The following IFT81 variants were observed in gnomAD, a reference collection of about 807,000 sequenced individuals.
IFT81 encodes the protein intraflagellar transport 81, also known as intraflagellar transport protein 81 homolog.
A neutral mutation model predicts 102.6 loss-of-function variants in IFT81; 72 were observed. The observed-to-expected ratio is 0.70, with a 90% CI of 0.58 to 0.85. IFT81 has a LOEUF of 0.85. Among genes scored for constraint, IFT81 ranks in the 40% least tolerant of loss-of-function variants. The pLI is 0.00. For missense variants in IFT81, 723 were observed against 787.3 expected, an observed-to-expected ratio of 0.92 and a Z score of 0.98; for synonymous variants, 237 against 242.7, an observed-to-expected ratio of 0.98 and a Z score of 0.22.
Position 110,135,551 on chromosome 12 carries a change from T to C in IFT81, c.696+114T>C, listed in dbSNP as rs117677576. 20,052 of 623,292 alleles carry C rather than the reference T, an allele frequency of 0.032. 448 individuals carry two copies. The highest frequency in any genetic ancestry group is 0.073 in the Middle Eastern group (159 of 2,186). The allele number at this position is 623,292 out of a possible 1,614,324, so 38.6% of individuals were successfully genotyped here. ...GACGTTCACGTTCCTTTTGCTAACA[T>C]AATGGAATACTCTTTTAATTAAGAT... On this transcript the variant is annotated intron_variant, in intron 7 of 18. Transcript: ENST00000242591.
At chr12:110,139,312 G>T (rs904753232) in intron 8 of IFT81, among the ~76,000 whole-genome samples, 2 of 147,788 alleles carry the variant, frequency 1.4e-5, no homozygotes, top group Non-Finnish European at 3.0e-5. Flanking sequence ...ACTCCAGCCT[G>T]GGCAACAGAG....
intron 10 of IFT81, among the ~76,000 whole-genome samples, chr12:110,149,581 T>C (rs560819807): frequency 3.3e-5 from 5 of 152,108 alleles, no homozygotes; most frequent in African/African-American, 1.2e-4. Flanking sequence ...GGAGAATGGG[T>C]GTAAGGTTTT....
At chr12:110,176,450 C>G (rs1897038799) in intron 11 of IFT81, among the ~76,000 whole-genome samples, 1 of 152,162 alleles carries the variant, frequency 6.6e-6, no homozygotes, top group South Asian at 2.1e-4. Context: ...GCAGAGTTTA[C>G]CAGAGGCTTC....
At position 110,143,618 on chromosome 12, in the gene IFT81, T is replaced by C; in HGVS notation, c.945+73T>C. On this transcript the variant is annotated intron_variant, in intron 9 of 18. Transcript: ENST00000242591. ...AGTCCTATAAAATTATGTGAACTGC[T>C]TTCTGTAGTATCCCACTATTGACTC... The C allele has an allele frequency of 7.4e-6, 9 of 1,209,410 alleles. No individual in the cohort carries two copies. In the South Asian group the frequency reaches 1.4e-4, roughly 19 times the overall value. The allele number at this position is 1,209,410 out of a possible 1,614,324, so 74.9% of individuals were successfully genotyped here.
chr12:110,208,041 G>T (rs979619193), intron 17 of IFT81, among the ~76,000 whole-genome samples: 1 of 151,902 alleles, frequency 6.6e-6, no homozygotes, highest in African/African-American at 2.4e-5. Flanking sequence ...GTCCATTATT[G>T]CCATGTCTCA....
chr12:110,128,876 T>G (rs1894002131), intron 3 of IFT81, 74 bp from the exon 4 acceptor site: 6 of 1,150,688 alleles, frequency 5.2e-6, no homozygotes, highest in South Asian at 1.4e-5. Flanking sequence ...AATCAGATTT[T>G]GAGAAAATGC....
At chr12:110,141,118 G>A (rs1300693679) in intron 8 of IFT81, among the ~76,000 whole-genome samples, 4 of 151,720 alleles carry the variant, frequency 2.6e-5, no homozygotes, top group African/African-American at 7.3e-5. Flanking sequence ...TCTGCCTCCC[G>A]GGTTCAAACG....
At chr12:110,166,883 C>T (rs1896462403) in intron 11 of IFT81, among the ~76,000 whole-genome samples, 1 of 151,648 alleles carries the variant, frequency 6.6e-6, no homozygotes, top group African/African-American at 2.4e-5. Flanking sequence ...AAACTTTATT[C>T]CTTGATTGTC....
intron 14 of IFT81, among the ~76,000 whole-genome samples, chr12:110,196,729 C>T (rs1406638770): frequency 1.3e-5 from 2 of 152,060 alleles, no homozygotes; most frequent in Non-Finnish European, 2.9e-5. Flanking sequence ...ATTTTATGTT[C>T]TGTCTTTATT....
intron 18 of IFT81, among the ~76,000 whole-genome samples, chr12:110,213,526 C>A (rs1322902155): frequency 1.3e-5 from 2 of 152,174 alleles, no homozygotes; most frequent in Non-Finnish European, 2.9e-5. Flanking sequence ...CATTGATAAT[C>A]ATTTCCTAGA....
At chr12:110,125,911 G>A (rs1893807392) in intron 1 of IFT81, among the ~76,000 whole-genome samples, 2 of 152,154 alleles carry the variant, frequency 1.3e-5, no homozygotes, top group Admixed American at 1.3e-4. Context: ...CACAATGGAT[G>A]TTCAAAAATG....
intron 12 of IFT81, among the ~76,000 whole-genome samples, chr12:110,186,994 A>T: frequency 6.9e-6 from 1 of 144,316 alleles, no homozygotes; most frequent in Non-Finnish European, 1.5e-5. Context: ...TCTGTGATTC[A>T]ATCTGTATTT....
intron 7 of IFT81, among the ~76,000 whole-genome samples, chr12:110,136,449 A>G (rs1422963892): frequency 6.6e-6 from 1 of 152,232 alleles, no homozygotes; most frequent in African/African-American, 2.4e-5. Flanking sequence ...CACTATATCA[A>G]TGTTAACATT....
At chr12:110,141,882 T>TAAAACAA (rs1363549410) in intron 8 of IFT81, among the ~76,000 whole-genome samples, 1 of 152,138 alleles carries the variant, frequency 6.6e-6, no homozygotes, top group Non-Finnish European at 1.5e-5. Flanking sequence ...AGATTTCATC[T>TAAAACAA]AAAACAAAAA....
chr12:110,185,533 A>C (rs1897492491), intron 12 of IFT81, among the ~76,000 whole-genome samples: 1 of 152,024 alleles, frequency 6.6e-6, no homozygotes, highest in South Asian at 2.1e-4. Context: ...TGGGCAATGC[A>C]AGAACCTAAA....
intron 14 of IFT81, among the ~76,000 whole-genome samples, chr12:110,200,708 G>C (rs1898220412): frequency 6.6e-6 from 1 of 152,168 alleles, no homozygotes; most frequent in Non-Finnish European, 1.5e-5. Context: ...CCAACACTTT[G>C]GGAGGCTGAG....
At chr12:110,157,680 C>T (rs1895916968) in intron 10 of IFT81, among the ~76,000 whole-genome samples, 1 of 152,196 alleles carries the variant, frequency 6.6e-6, no homozygotes. Flanking sequence ...TTAATGGTAT[C>T]CCACATATCC....
In IFT81 at chr12:110,198,926, C is replaced by T. The variant is rs374763577; in HGVS notation, c.1558-4938C>T. Among the ~76,000 whole-genome samples the T allele has an allele frequency of 6.7e-4, 102 of 152,026 alleles. 6 individuals are homozygous for T. In the South Asian group the frequency reaches 0.02, roughly 30 times the overall value. On this transcript the variant is annotated intron_variant, in intron 14 of 18. Coordinates refer to ENST00000242591, the MANE Select transcript of IFT81 (RefSeq NM_014055.4). Reference sequence around the variant, plus strand: ...CCGGGTTCAAGCCATTCTTCTGCCTCAGCTTCTTGAGTAGCTGGGACTACA... The same window carrying T: ...CCGGGTTCAAGCCATTCTTCTGCCTTAGCTTCTTGAGTAGCTGGGACTACA...
intron 14 of IFT81, among the ~76,000 whole-genome samples, chr12:110,200,464 A>T (rs1200248717): frequency 6.6e-6 from 1 of 152,182 alleles, no homozygotes; most frequent in African/African-American, 2.4e-5. Context: ...TATGCTTTAT[A>T]GGGAACTTAC....
Sources: allele counts gnomAD v4.1 joint callset (sites outside exome capture counted in the v4.1 genomes callset), GRCh38; gene constraint gnomAD v4.1.1; transcripts MANE v1.5; gene names NCBI Gene and HGNC (gene_info 2026-07-23, HGNC 2026-07-21).